TMEM30A: variants seen among roughly 807,000 people sequenced by gnomAD.
TMEM30A encodes cell cycle control protein 50A.
Under a neutral mutation model 38.2 loss-of-function variants are expected in TMEM30A, and 24 were observed. That is an observed-to-expected ratio of 0.63 (90% CI 0.46 to 0.88). The LOEUF is 0.88. Among genes scored for constraint, TMEM30A ranks in the 40% least tolerant of loss-of-function variants. The pLI, the probability that TMEM30A is intolerant of heterozygous loss-of-function variation, is 0.00. For missense variants in TMEM30A, 370 were observed against 458.6 expected (o/e 0.81, Z 1.77); for synonymous variants, 145 against 161.6 (o/e 0.90, Z 0.78).
intron 3 of TMEM30A, among the ~76,000 whole-genome samples, chr6:75,262,429 G>C (rs1051327340): frequency 5.3e-5 from 8 of 152,030 alleles, no homozygotes; most frequent in African/African-American, 1.9e-4. Context: ...TGGATCACGA[G>C]GTCAGGAGTT....
intron 1 of TMEM30A, 65 bp from the exon 2 acceptor site, chr6:75,267,813 C>T (rs993786963): frequency 1.4e-5 from 15 of 1,096,420 alleles, no homozygotes; most frequent in African/African-American, 6.4e-5. Flanking sequence ...CACTCTGAAA[C>T]GACTTGCTAT....
At chr6:75,280,642 GCCATATT>G (rs1772341354) in intron 1 of TMEM30A, among the ~76,000 whole-genome samples, 1 of 152,028 alleles carries the variant, frequency 6.6e-6, no homozygotes, top group Admixed American at 6.6e-5. Context: ...ATTCCAGCTG[GCCATATT>G]TACTTTCGCA....
At chr6:75,257,054 TTTC>T (rs1178331556) in intron 6 of TMEM30A, among the ~76,000 whole-genome samples, 1 of 152,138 alleles carries the variant, frequency 6.6e-6, no homozygotes, top group African/African-American at 2.4e-5. Flanking sequence ...GTTTCTCTAG[TTTC>T]TTCAACTCTC....
chr6:75,279,583 A>G (rs148418391), intron 1 of TMEM30A, among the ~76,000 whole-genome samples: 52 of 152,314 alleles, frequency 3.4e-4, no homozygotes, highest in African/African-American at 9.9e-4. Flanking sequence ...AGACTTGCCC[A>G]TTAGCTAAAA....
chr6:75,269,988 C>T (rs1161082012), intron 1 of TMEM30A, among the ~76,000 whole-genome samples: 3 of 152,228 alleles, frequency 2.0e-5, no homozygotes, highest in Non-Finnish European at 2.9e-5. Context: ...CCACCGCGCC[C>T]GGCCCCATTA....
chr6:75,271,722 AACC>A (rs1476853282), intron 1 of TMEM30A, among the ~76,000 whole-genome samples: 1 of 152,254 alleles, frequency 6.6e-6, no homozygotes, highest in Non-Finnish European at 1.5e-5. Context: ...GCTAAGCTGG[AACC>A]AAGGATTTCT....
intron 4 of TMEM30A, among the ~76,000 whole-genome samples, chr6:75,259,711 A>G (rs1002837564): frequency 4.6e-5 from 7 of 152,230 alleles, no homozygotes; most frequent in Non-Finnish European, 7.3e-5. Context: ...TAATTCAGTT[A>G]CCCATAGGCT....
intron 1 of TMEM30A, among the ~76,000 whole-genome samples, chr6:75,272,283 T>G (rs1003480269): frequency 2.0e-5 from 3 of 152,264 alleles, no homozygotes; most frequent in Admixed American, 6.5e-5. Context: ...AAGCCTCCTA[T>G]CAACTATTAG....
intron 6 of TMEM30A, among the ~76,000 whole-genome samples, chr6:75,257,525 C>T (rs1771885542): frequency 1.3e-5 from 2 of 152,164 alleles, no homozygotes; most frequent in African/African-American, 4.8e-5. Context: ...TGCCCTTACT[C>T]TCTAGAGATT....
intron 1 of TMEM30A, among the ~76,000 whole-genome samples, chr6:75,273,290 T>G (rs1265536907): frequency 6.6e-6 from 1 of 152,118 alleles, no homozygotes; most frequent in Non-Finnish European, 1.5e-5. Context: ...CATAATCAAA[T>G]ATTTGCATAT....
At chr6:75,258,730 C>T (rs757089917) in intron 6 of TMEM30A, 50 bp downstream of exon 6, 18 of 1,547,146 alleles carry the variant, frequency 1.2e-5, no homozygotes, top group South Asian at 2.3e-5. Flanking sequence ...AGGTTGGACT[C>T]GACTCCTTTC....
intron 6 of TMEM30A, among the ~76,000 whole-genome samples, chr6:75,257,009 A>G (rs1038690117): frequency 6.6e-6 from 1 of 152,152 alleles, no homozygotes; most frequent in African/African-American, 2.4e-5. Flanking sequence ...AACTTTTTCA[A>G]AAGCATCTTT....
intron 2 of TMEM30A, among the ~76,000 whole-genome samples, chr6:75,265,541 C>A (rs928568901): frequency 6.6e-6 from 1 of 152,156 alleles, no homozygotes; most frequent in African/African-American, 2.4e-5. Context: ...CAAAAAGCCA[C>A]AAGTAAACTT....
intron 6 of TMEM30A, among the ~76,000 whole-genome samples, 163 bp downstream of exon 6, chr6:75,258,617 G>A (rs17784765): frequency 0.014 from 2,106 of 152,210 alleles, 26 homozygotes; most frequent in Admixed American, 0.03. Context: ...ATTTCTAGAA[G>A]ACGTAAATTT....
At chr6:75,270,804 A>G (rs767100290) in intron 1 of TMEM30A, among the ~76,000 whole-genome samples, 22 of 152,240 alleles carry the variant, frequency 1.4e-4, no homozygotes, top group Non-Finnish European at 2.6e-4. Flanking sequence ...AACCTCCTAT[A>G]GAAACAGTTT....
chr6:75,261,630 C>T (rs763781460), intron 3 of TMEM30A, among the ~76,000 whole-genome samples: 81 of 152,258 alleles, frequency 5.3e-4, no homozygotes, highest in Non-Finnish European at 1.0e-3. Context: ...TCTGTCTGAG[C>T]TGGGACCCTC....
At position 75,256,156 on chromosome 6, in the gene TMEM30A, T is replaced by C; in HGVS notation, c.1032A>G (p.Leu344=). ...TGTTTCTATATTTATGATTAATTAC[T>C]AGCAGTACAACTCCCAGAAGGAAGG... The part of the protein sequence containing the change: ...SISFLLGVVL[L]VINHKYRNSS... The change falls in exon 7 of 7, where the codon CTA becomes CTG. Residue 344 remains leucine, a synonymous_variant. Transcript: ENST00000230461. 6.2e-7 allele frequency: 1 copy of C among 1,612,842 alleles called. No individual in the cohort carries two copies.
chr6:75,253,275 T>C lies in TMEM30A; in HGVS notation c.*2827A>G, dbSNP rs568521728. On this transcript the variant is annotated 3_prime_UTR_variant, in exon 7 of 7. Coordinates refer to ENST00000230461, the MANE Select transcript of TMEM30A (RefSeq NM_018247.4). ...CTATCTCTCAGCTGCTCCTCCTCAC[T>C]AGTCAGGTTTTTCCTGTGTACCCCA... 2.6e-5 allele frequency: 4 copies of C among 152,284 alleles called. No homozygotes were observed. The highest frequency in any genetic ancestry group is 6.5e-5 in the Admixed American group (1 of 15,276). The allele number at this position is 152,284 out of a possible 1,614,324, so 9.4% of individuals were successfully genotyped here. A position where few individuals can be genotyped will look rare whatever the true frequency, so the allele number is the denominator to read the frequency against.
At position 75,284,686 on chromosome 6, in the gene TMEM30A, G is replaced by A. The variant is rs777590412; in HGVS notation, c.-48C>T. 26 of 1,590,136 alleles carry A rather than the reference G, an allele frequency of 1.6e-5. No individual in the cohort carries two copies. On this transcript the variant is annotated 5_prime_UTR_variant, in exon 1 of 7. Coordinates refer to ENST00000230461, the MANE Select transcript of TMEM30A (RefSeq NM_018247.4). ...CGATTTGCAGGTGGACCACCCAGGG[G>A]GCCCGCCGGCTGACCCTGACAGGAA...
Sources: gnomAD v4.1 joint callset for allele counts (sites outside exome capture counted in the v4.1 genomes callset) on GRCh38, gnomAD v4.1.1 for gene constraint, MANE v1.5 for transcripts, NCBI Gene and HGNC (gene_info 2026-07-23, HGNC 2026-07-21) for gene names.